PPM1H: variants seen among roughly 807,000 people sequenced by gnomAD.
PPM1H encodes protein phosphatase, Mg2+/Mn2+ dependent 1H, also known as protein phosphatase 1H.
Under a neutral mutation model 54.9 loss-of-function variants are expected in PPM1H, and 27 were observed. That is an observed-to-expected ratio of 0.49 (90% confidence interval 0.36 to 0.68). The LOEUF (loss-of-function observed/expected upper bound fraction) is 0.68, where lower values mean the gene tolerates loss of function less well. PPM1H is among the 30% of genes least tolerant of loss of function. The pLI, the probability that PPM1H is intolerant of heterozygous loss-of-function variation, is 0.00. For missense variants in PPM1H, 596 were observed against 667.8 expected, an observed-to-expected ratio of 0.89 and a Z score of 1.19; for synonymous variants, 305 against 270.8, an observed-to-expected ratio of 1.13 and a Z score of -1.24.
At chr12:62,889,892 A>G (rs943261553) in intron 1 of PPM1H, among the ~76,000 whole-genome samples, 1 of 152,206 alleles carries the variant, frequency 6.6e-6, no homozygotes. Context: ...TACAATGTCA[A>G]AGGTACGATC....
In PPM1H at chr12:62,685,849, A is replaced by T. The variant is rs145822825; in HGVS notation, c.1245+3850T>A. On this transcript the variant is annotated intron_variant, in intron 8 of 9. Transcript: ENST00000228705. ...AGCTTAGTCATTCCATAATGTAAACATATATCAAAACGTTACACTATATCC... is the reference window on the plus strand; with the variant it reads ...AGCTTAGTCATTCCATAATGTAAACTTATATCAAAACGTTACACTATATCC... 2.6e-3 allele frequency among the ~76,000 whole-genome samples: 393 copies of T among 152,342 alleles called. 1 individual carries two copies. The highest frequency in any genetic ancestry group is 8.9e-3 in the African/African-American group (370 of 41,586).
intron 1 of PPM1H, among the ~76,000 whole-genome samples, chr12:62,922,051 T>TA (rs1023270907): frequency 2.0e-5 from 3 of 152,312 alleles, no homozygotes; most frequent in African/African-American, 4.8e-5. Flanking sequence ...CCAAAAACAT[T>TA]AAAATATTTT....
At chr12:62,723,145 G>C (rs1219609313) in intron 5 of PPM1H, among the ~76,000 whole-genome samples, 2 of 152,038 alleles carry the variant, frequency 1.3e-5, no homozygotes, top group African/African-American at 4.8e-5. Context: ...CTCATGATTG[G>C]GTGGCTGACT....
chr12:62,804,676 C>CTTTT (rs759291510), intron 2 of PPM1H, among the ~76,000 whole-genome samples: 5 of 116,192 alleles, frequency 4.3e-5, no homozygotes, highest in Non-Finnish European at 7.1e-5. Flanking sequence ...CTTTTTTTTT[C>CTTTT]TTTTTTTTTT....
chr12:62,912,354 T>C (rs1486582919), intron 1 of PPM1H, among the ~76,000 whole-genome samples: 1 of 152,204 alleles, frequency 6.6e-6, no homozygotes. Flanking sequence ...GTAACAGATG[T>C]TTATTTTTCA....
chr12:62,755,331 C>T, intron 4 of PPM1H: 1 of 1,148,822 alleles, frequency 8.7e-7, no homozygotes, highest in Non-Finnish European at 1.3e-6. Context: ...TCAATGACCC[C>T]TTCATTGACC....
chr12:62,752,370 T>G (rs2076447144), intron 4 of PPM1H, among the ~76,000 whole-genome samples: 2 of 152,230 alleles, frequency 1.3e-5, no homozygotes, highest in Non-Finnish European at 2.9e-5. Context: ...AAAAAAAATT[T>G]TGTGACCTCA....
chr12:62,930,096 C>A (rs1315938926), intron 1 of PPM1H, among the ~76,000 whole-genome samples: 1 of 152,186 alleles, frequency 6.6e-6, no homozygotes, highest in Non-Finnish European at 1.5e-5. Flanking sequence ...ACCACCCAGC[C>A]AACTAATGCC....
At chr12:62,702,843 C>T (rs1427925667) in intron 6 of PPM1H, among the ~76,000 whole-genome samples, 1 of 152,206 alleles carries the variant, frequency 6.6e-6, no homozygotes, top group Non-Finnish European at 1.5e-5. Context: ...TCTCTCTTCC[C>T]TCCTGGCAGA....
At chr12:62,868,744 A>T (rs1869872074) in intron 1 of PPM1H, among the ~76,000 whole-genome samples, 1 of 152,250 alleles carries the variant, frequency 6.6e-6, no homozygotes, top group South Asian at 2.1e-4. Context: ...ATAAAAAAAC[A>T]TGGCAGCAGC....
intron 4 of PPM1H, among the ~76,000 whole-genome samples, chr12:62,777,910 A>C (rs2076620705): frequency 6.6e-6 from 1 of 152,192 alleles, no homozygotes; most frequent in Admixed American, 6.5e-5. Context: ...TATGCTGTTT[A>C]CTTGTAGGCT....
intron 4 of PPM1H, among the ~76,000 whole-genome samples, chr12:62,767,156 T>C (rs944184135): frequency 1.3e-5 from 2 of 152,198 alleles, no homozygotes; most frequent in Admixed American, 6.5e-5. Context: ...TCATGGGGCC[T>C]GGAGTGTGGG....
At chr12:62,670,693 T>C (rs926342501) in intron 8 of PPM1H, among the ~76,000 whole-genome samples, 3 of 152,206 alleles carry the variant, frequency 2.0e-5, no homozygotes, top group African/African-American at 4.8e-5. Context: ...TCCCTAATTC[T>C]ACCGTTCCCA....
intron 4 of PPM1H, among the ~76,000 whole-genome samples, chr12:62,763,278 T>C (rs2076520822): frequency 6.6e-6 from 1 of 152,222 alleles, no homozygotes; most frequent in Non-Finnish European, 1.5e-5. Flanking sequence ...AACCCTGGAC[T>C]GGCTGTTGAG....
At chr12:62,773,979 T>C (rs1405899838) in intron 4 of PPM1H, among the ~76,000 whole-genome samples, 2 of 152,172 alleles carry the variant, frequency 1.3e-5, no homozygotes, top group Non-Finnish European at 2.9e-5. Flanking sequence ...AAATGGATCA[T>C]AGCCTGCAGG....
At chr12:62,750,599 AAT>A (rs2076437949) in intron 4 of PPM1H, among the ~76,000 whole-genome samples, 1 of 152,304 alleles carries the variant, frequency 6.6e-6, no homozygotes, top group East Asian at 1.9e-4. Context: ...TTTTTGTGTA[AAT>A]ATATGTTTTC....
At chr12:62,677,300 T>G (rs559875427) in intron 8 of PPM1H, among the ~76,000 whole-genome samples, 23 of 152,318 alleles carry the variant, frequency 1.5e-4, no homozygotes, top group Admixed American at 1.5e-3. Context: ...ATGGCGGGAC[T>G]GAAAGAATTG....
intron 1 of PPM1H, among the ~76,000 whole-genome samples, chr12:62,860,059 T>TA (rs113643761): frequency 0.068 from 10,421 of 152,192 alleles, 1,206 homozygotes; most frequent in African/African-American, 0.24. Flanking sequence ...GTAATTTATT[T>TA]AAAAAACAGG....
At chr12:62,898,802 T>C (rs1404323894) in intron 1 of PPM1H, among the ~76,000 whole-genome samples, 1 of 152,204 alleles carries the variant, frequency 6.6e-6, no homozygotes, top group Non-Finnish European at 1.5e-5. Flanking sequence ...ATTGATCATC[T>C]CTGGCTCTGT....
Sources: gnomAD v4.1 joint callset for allele counts (sites outside exome capture counted in the v4.1 genomes callset) on GRCh38, gnomAD v4.1.1 for gene constraint, MANE v1.5 for transcripts, NCBI Gene and HGNC (gene_info 2026-07-23, HGNC 2026-07-21) for gene names.